The following ZSWIM5 variants were observed in gnomAD, a reference collection of about 807,000 sequenced individuals.
ZSWIM5 encodes the protein zinc finger SWIM domain-containing protein 5.
ZSWIM5 carries 55 observed loss-of-function variants against 119.6 expected under a neutral mutation model. That is an observed-to-expected ratio of 0.46 (90% CI 0.37 to 0.58). The LOEUF (loss-of-function observed/expected upper bound fraction) is 0.58, where lower values mean the gene tolerates loss of function less well. Ranked by LOEUF, ZSWIM5 falls within the 20% of genes least tolerant of loss-of-function variation. The probability of loss-of-function intolerance (pLI) is 0.00; values close to 1 mark genes in which losing one functional copy is unlikely to be tolerated. For missense variants in ZSWIM5, 1,193 were observed against 1,512.8 expected (o/e 0.79, Z 3.51); for synonymous variants, 537 against 606.9 (o/e 0.88, Z 1.69).
intron 1 of ZSWIM5, among the ~76,000 whole-genome samples, chr1:45,190,865 T>C (rs1466770609): frequency 6.6e-6 from 1 of 150,820 alleles, no homozygotes; most frequent in Non-Finnish European, 1.5e-5. Context: ...GCCAACCAGA[T>C]TTGGCTCTCT....
At chr1:45,044,183 C>A (rs1312388100) in intron 5 of ZSWIM5, among the ~76,000 whole-genome samples, 2 of 107,110 alleles carry the variant, frequency 1.9e-5, no homozygotes, top group Non-Finnish European at 3.9e-5. Context: ...GAGCAAAATC[C>A]CATCTCAAAA....
rs138292513 is a variant in ZSWIM5, at chr1:45,103,108, T to C, written c.596-14871A>G. Among the ~76,000 whole-genome samples the C allele has an allele frequency of 6.2e-3, 942 of 152,304 alleles. 10 individuals carry two copies. The highest frequency in any genetic ancestry group is 0.014 in the Middle Eastern group (4 of 294). On this transcript the variant is annotated intron_variant, in intron 1 of 13. Coordinates refer to ENST00000359600, the MANE Select transcript of ZSWIM5 (RefSeq NM_020883.2). ...GTCTCAAACTCCTGGTCTCAACTGA[T>C]CTTCCTGCCTTGGCCTCCCAAAGTG...
chr1:45,067,451 A>G lies in ZSWIM5; in HGVS notation c.953-7204T>C, dbSNP rs72684444. On this transcript the variant is annotated intron_variant, in intron 2 of 13. Coordinates refer to ENST00000359600, the MANE Select transcript of ZSWIM5 (RefSeq NM_020883.2). The stretch of plus-strand genomic sequence containing the variant: ...TAAGACCCTGCCTCAAAAAAAAAAA[A>G]AAAGAAAGAAAGAAAGAAAGAAATA... 3.5e-3 allele frequency among the ~76,000 whole-genome samples: 480 copies of G among 136,572 alleles called. 1 individual carries two copies. The highest frequency in any genetic ancestry group is 8.7e-3 in the African/African-American group (316 of 36,236). The allele number at this position is 136,572 out of a possible 152,430, so 89.6% of individuals were successfully genotyped here.
chr1:45,154,835 T>C (rs2149039148), intron 1 of ZSWIM5, among the ~76,000 whole-genome samples: 1 of 152,164 alleles, frequency 6.6e-6, no homozygotes, highest in East Asian at 1.9e-4. Flanking sequence ...TGAATGGAGA[T>C]TGTGCCATTG....
At position 45,018,628 on chromosome 1, in the gene ZSWIM5, T is replaced by C; in HGVS notation, c.3384A>G (p.Thr1128=). Residue 1128 remains threonine (T), a synonymous_variant, in exon 14 of 14, where the codon ACA becomes ACG. Coordinates refer to ENST00000359600, the MANE Select transcript of ZSWIM5 (RefSeq NM_020883.2). The surrounding 1 kb of genome is among the most constrained non-coding windows in gnomAD (Gnocchi z 6.7). ...AYINTTHSRL[T]HISPRHYGEF... is the part of the protein sequence containing the mutation. ...CTCCATAGTGGCGAGGGCTGATGTG[T>C]GTTAGGCGTGAGTGTGTAGTGTTGA... is the stretch of plus-strand genomic sequence containing the variant. 4 of 1,614,246 alleles carry C rather than the reference T, an allele frequency of 2.5e-6. No individual in the cohort carries two copies. Among genetic ancestry groups the C allele is most frequent in the Non-Finnish European group, 3.4e-6 (4 of 1,180,042 alleles).
intron 1 of ZSWIM5, among the ~76,000 whole-genome samples, chr1:45,157,456 T>C (rs556830112): frequency 4.4e-4 from 67 of 152,340 alleles, no homozygotes; most frequent in Non-Finnish European, 7.8e-4. Context: ...ATTATAGGCA[T>C]GAGCCACCAT....
At chr1:45,063,633 A>G (rs1270343946) in intron 2 of ZSWIM5, among the ~76,000 whole-genome samples, 1 of 152,056 alleles carries the variant, frequency 6.6e-6, no homozygotes, top group Non-Finnish European at 1.5e-5. Context: ...CTGTTCTTTG[A>G]CCAAAAAACC....
chr1:45,095,887 A>T (rs961713172), intron 1 of ZSWIM5, among the ~76,000 whole-genome samples: 1 of 152,182 alleles, frequency 6.6e-6, no homozygotes, highest in South Asian at 2.1e-4. Flanking sequence ...CTGTAAAATA[A>T]AGAAAAAAAA....
chr1:45,038,691 C>T (rs1437035688), intron 8 of ZSWIM5, among the ~76,000 whole-genome samples: 3 of 144,148 alleles, frequency 2.1e-5, no homozygotes, highest in Non-Finnish European at 4.5e-5. Context: ...ACTGCAGCCT[C>T]GATCTCCTGG....
intron 1 of ZSWIM5, among the ~76,000 whole-genome samples, chr1:45,092,593 G>A (rs1409134793): frequency 3.5e-5 from 4 of 114,734 alleles, no homozygotes; most frequent in Non-Finnish European, 4.9e-5. Flanking sequence ...GTGAGCCCCC[G>A]CACCTGGCCC....
At chr1:45,202,195 T>G (rs562276347) in intron 1 of ZSWIM5, among the ~76,000 whole-genome samples, 1 of 152,196 alleles carries the variant, frequency 6.6e-6, no homozygotes, top group Non-Finnish European at 1.5e-5. Flanking sequence ...TCATTCTAAC[T>G]CACATATGCC....
rs1408799533 is a variant in ZSWIM5 at position 45,078,194 on chromosome 1, C to T, written c.952+9687G>A. Among the ~76,000 whole-genome samples, 4 of 152,184 alleles carry T rather than the reference C, an allele frequency of 2.6e-5. No individual in the cohort carries two copies. In the South Asian group the frequency reaches 6.2e-4, roughly 24 times the overall value. ...CAGTAAAGACAGGCATAAGAAATTA[C>T]AAAACTATTAATTTGGGGAACTAAT... On this transcript the variant is annotated intron_variant, in intron 2 of 13. Transcript: ENST00000359600.
chr1:45,130,362 T>G (rs1256347292), intron 1 of ZSWIM5, among the ~76,000 whole-genome samples: 1 of 106,742 alleles, frequency 9.4e-6, no homozygotes, highest in African/African-American at 3.1e-5. Flanking sequence ...AAAGAACACT[T>G]AAAACACACA....
At chr1:45,086,599 C>T (rs1645331190) in intron 2 of ZSWIM5, among the ~76,000 whole-genome samples, 2 of 152,042 alleles carry the variant, frequency 1.3e-5, no homozygotes, top group Admixed American at 1.3e-4. Flanking sequence ...CACTTGGACA[C>T]AGGGCGGGGA....
At position 45,043,329 on chromosome 1, in the gene ZSWIM5, T is replaced by C. The variant is rs199535486; in HGVS notation, c.1499A>G (p.Gln500Arg). Reference protein sequence around the residue: ...RAIEGRELHWQDSHLQRIISS... With the variant: ...RAIEGRELHWRDSHLQRIISS... ...GATTATTCGCTGTAGGTGGCTATCCTGCCAATGTAATTCACGCCCCTCAAT... is the reference window on the plus strand; with the variant it reads ...GATTATTCGCTGTAGGTGGCTATCCCGCCAATGTAATTCACGCCCCTCAAT... Residue 500 changes from glutamine (Q) to arginine (R), a missense_variant, in exon 6 of 14, where the codon CAG becomes CGG. Transcript: ENST00000359600. 2.2e-4 allele frequency: 353 copies of C among 1,614,242 alleles called. No individual in the cohort carries two copies. Among genetic ancestry groups the C allele is most frequent in the Non-Finnish European group, 2.4e-4 (280 of 1,180,042 alleles).
At chr1:45,128,437 G>A (rs571709971) in intron 1 of ZSWIM5, among the ~76,000 whole-genome samples, 20 of 152,154 alleles carry the variant, frequency 1.3e-4, no homozygotes, top group African/African-American at 3.9e-4. Flanking sequence ...GGCCTCAAGC[G>A]ATCCTCCCGC....
At chr1:45,037,830 C>T (rs1454326314) in intron 8 of ZSWIM5, among the ~76,000 whole-genome samples, 2 of 152,168 alleles carry the variant, frequency 1.3e-5, no homozygotes, top group Non-Finnish European at 2.9e-5. Flanking sequence ...CTCATATGCT[C>T]CACCAGTGGG....
At chr1:45,147,143 T>C (rs1030879213) in intron 1 of ZSWIM5, among the ~76,000 whole-genome samples, 1 of 151,904 alleles carries the variant, frequency 6.6e-6, no homozygotes, top group African/African-American at 2.4e-5. Flanking sequence ...GGTACAATAT[T>C]GGCTCACTGC....
At chr1:45,144,738 C>T (rs1444435091) in intron 1 of ZSWIM5, among the ~76,000 whole-genome samples, 1 of 152,162 alleles carries the variant, frequency 6.6e-6, no homozygotes, top group African/African-American at 2.4e-5. Flanking sequence ...AGCAGGATAT[C>T]TTTGTGACCT....
Sources: allele counts gnomAD v4.1 joint callset (sites outside exome capture counted in the v4.1 genomes callset), GRCh38; gene constraint gnomAD v4.1.1; non-coding constraint Gnocchi (gnomAD v3.1); transcripts MANE v1.5; gene names NCBI Gene and HGNC (gene_info 2026-07-23, HGNC 2026-07-21).